The following ADAM8 variants were observed in gnomAD, a reference collection of about 807,000 sequenced individuals.
ADAM8 encodes disintegrin and metalloproteinase domain-containing protein 8.
In ADAM8, 104 loss-of-function variants were observed where a neutral mutation model predicts 102.4. That is an observed-to-expected ratio of 1.02 (90% CI 0.87 to 1.20). The LOEUF (loss-of-function observed/expected upper bound fraction) is 1.20. Among genes scored for constraint, ADAM8 ranks in the 50% most tolerant of loss-of-function variants. The pLI is 0.00. For synonymous variants in ADAM8, 517 were observed against 485.2 expected (o/e 1.07, Z -0.86); for missense variants, 1,132 against 1,159.0 (o/e 0.98, Z 0.34).
In ADAM8 at chr10:133,271,672, G is replaced by GCTGCA; in HGVS notation, c.1135_1139dup (p.Gln381AlafsTer81). ...CCAAAAAGCTCTCCAGGTAGGCCTG[G>GCTGCA]CTGCAGTCACTGAACATCCTGGGGA... On this transcript the variant is annotated frameshift_variant, in exon 12 of 23. Coordinates refer to ENST00000445355, the MANE Select transcript of ADAM8 (RefSeq NM_001109.5). LOFTEE classifies it high-confidence loss of function. 1 of 1,568,944 alleles carries GCTGCA rather than the reference G, an allele frequency of 6.4e-7. No homozygotes were observed. Among genetic ancestry groups the GCTGCA allele is most frequent in the Non-Finnish European group, 8.6e-7 (1 of 1,157,020 alleles).
intron 1 of ADAM8, chr10:133,275,901 A>G: frequency 3.2e-6 from 1 of 309,276 alleles, no homozygotes; most frequent in Non-Finnish European, 5.9e-6. Flanking sequence ...CCCGAGGGCA[A>G]GGATGAACCT....
chr10:133,262,981 A>C lies in ADAM8; in HGVS notation c.*175T>G. 1 of 783,456 alleles carries C rather than the reference A, an allele frequency of 1.3e-6. No homozygotes were observed. Among genetic ancestry groups the C allele is most frequent in the Non-Finnish European group, 2.2e-6 (1 of 454,972 alleles). 48.5% of individuals were successfully genotyped at this position (783,456 alleles called of 1,614,324 possible). On this transcript the variant is annotated 3_prime_UTR_variant, in exon 23 of 23. Coordinates refer to ENST00000445355, the MANE Select transcript of ADAM8 (RefSeq NM_001109.5). ...CAAGGCGGGGAGAAGGAATTGGCTG[A>C]GGGCGTGGACAGCAGGAGCCTCTCA...
Position 133,263,253 on chromosome 10 carries a change from ATT to A in ADAM8, c.2398-22_2398-21del. On this transcript the variant is annotated intron_variant, in intron 22 of 22. Transcript: ENST00000445355. ...AGCACCCTGGGAGGAGGAAAAGATA[ATT>A]GATGTTGAAAAACTACCTGCTATAA... The A allele has an allele frequency of 1.3e-6, 2 of 1,583,838 alleles. No individual in the cohort carries two copies. Among genetic ancestry groups the A allele is most frequent in the East Asian group, 4.5e-5 (2 of 44,268 alleles).
intron 20 of ADAM8, 81 bp from the exon 21 acceptor site, chr10:133,267,498 G>A: frequency 7.2e-7 from 1 of 1,394,068 alleles, no homozygotes; most frequent in African/African-American, 1.4e-5. Context: ...AGGATCCGAG[G>A]TTCCTGCCTC....
chr10:133,269,534 G>A lies in ADAM8; in HGVS notation c.1864-5C>T, dbSNP rs375344170. ...CTCCTGCTTGTGGTTGCACACCTGC[G>A]GGGACGGCTGGGCTCAGGGCCAACC... On this transcript the variant is annotated splice_region_variant and splice_polypyrimidine_tract_variant and intron_variant, in intron 17 of 22. Coordinates refer to ENST00000445355, the MANE Select transcript of ADAM8 (RefSeq NM_001109.5). 34 of 1,589,890 alleles carry A rather than the reference G, an allele frequency of 2.1e-5. No homozygotes were observed. The highest frequency in any genetic ancestry group is 2.7e-5 in the Non-Finnish European group (32 of 1,174,254).
At chr10:133,275,130 C>A in intron 2 of ADAM8, 1 of 214,790 alleles carries the variant, frequency 4.7e-6, no homozygotes. Context: ...CCCCGCCAGG[C>A]CCCCCCCCCA....
In ADAM8 at chr10:133,270,291, T is replaced by C. The variant is rs545189790; in HGVS notation, c.1785+69A>G. 33 of 1,530,926 alleles carry C rather than the reference T, an allele frequency of 2.2e-5. No homozygotes were observed. In the African/African-American group the frequency reaches 4.4e-4, roughly 20 times the overall value. The allele number at this position is 1,530,926 out of a possible 1,614,324, so 94.8% of individuals were successfully genotyped here. The stretch of plus-strand genomic sequence containing the variant: ...AGCAGCTGCCAAGCTCAGAAACGCA[T>C]CTGCACCCACGTGGGGCACATGCCC... On this transcript the variant is annotated intron_variant, in intron 16 of 22. Transcript: ENST00000445355.
Position 133,270,378 on chromosome 10 carries a change from G to A in ADAM8, c.1767C>T (p.Thr589=). 2 of 1,588,542 alleles carry A rather than the reference G, an allele frequency of 1.3e-6. No homozygotes were observed. The highest frequency in any genetic ancestry group is 1.7e-6 in the Non-Finnish European group (2 of 1,160,636). The change falls in exon 16 of 23, where the codon ACC becomes ACT. Residue 589 remains threonine, a synonymous_variant. Transcript: ENST00000445355. The part of the protein sequence containing the change: ...GTAYEPVPEG[T]RCGPEKVCWK... ...GGCTCACCTTCTCTGGTCCACACCG[G>A]GTGCCCTCGGGCACTGGTTCATACG...
At chr10:133,263,570 A>C in intron 22 of ADAM8, 118 bp downstream of exon 22, 1 of 377,686 alleles carries the variant, frequency 2.6e-6, no homozygotes, top group African/African-American at 5.0e-5. Flanking sequence ...ACCCAAGTTT[A>C]TCCACAGATA....
At chr10:133,272,740 A>ACCC (rs3841003) in intron 8 of ADAM8, 58 bp downstream of exon 8, 34 of 1,294,486 alleles carry the variant, frequency 2.6e-5, no homozygotes, top group Non-Finnish European at 3.4e-5. Flanking sequence ...CTGTGGCAAC[A>ACCC]CCCCCCCCAC....
Position 133,275,478 on chromosome 10 carries a change from A to T in ADAM8, c.150+6T>A, listed in dbSNP as rs1282124361. On this transcript the variant is annotated splice_donor_region_variant and intron_variant, in intron 2 of 22. Coordinates refer to ENST00000445355, the MANE Select transcript of ADAM8 (RefSeq NM_001109.5). ...AGGGACCCTCCCCAGGCCAGCTTAG[A>T]CTCACCAAGTGGGAGGGCAGAGCTC... The T allele has an allele frequency of 6.5e-7, 1 of 1,532,048 alleles. No individual in the cohort carries two copies. Among genetic ancestry groups the T allele is most frequent in the Admixed American group, 2.1e-5 (1 of 47,234 alleles). The allele number at this position is 1,532,048 out of a possible 1,614,324, so 94.9% of individuals were successfully genotyped here.
chr10:133,276,355 C>T (rs1189678331), intron 1 of ADAM8, among the ~76,000 whole-genome samples: 3 of 152,138 alleles, frequency 2.0e-5, no homozygotes, highest in Non-Finnish European at 4.4e-5. Context: ...GAGACGGGTC[C>T]CCTCAGCCCA....
intron 21 of ADAM8, among the ~76,000 whole-genome samples, chr10:133,266,126 C>T (rs911986928): frequency 3.3e-5 from 5 of 152,176 alleles, no homozygotes; most frequent in South Asian, 4.2e-4. Flanking sequence ...CAAGGAAAGA[C>T]GGGACAAACC....
intron 12 of ADAM8, 52 bp from the exon 13 acceptor site, chr10:133,271,341 C>T: frequency 6.4e-7 from 1 of 1,570,914 alleles, no homozygotes; most frequent in Non-Finnish European, 8.6e-7. Context: ...GGGCTGGGCT[C>T]CAGGGCGGAC....
In ADAM8 at chr10:133,273,948, T is replaced by C. The variant is rs372440713; in HGVS notation, c.306+3A>G. 55 of 1,596,408 alleles carry C rather than the reference T, an allele frequency of 3.4e-5. No homozygotes were observed. In the African/African-American group the frequency reaches 5.6e-4, roughly 16 times the overall value. The stretch of plus-strand genomic sequence containing the variant: ...CCGCCCAGCTGCTCCGCCCGACCCA[T>C]ACCTGCCCGCGAGGCTGCTCCGTCA... On this transcript the variant is annotated splice_donor_region_variant and intron_variant, in intron 4 of 22. Coordinates refer to ENST00000445355, the MANE Select transcript of ADAM8 (RefSeq NM_001109.5).
intron 1 of ADAM8, among the ~76,000 whole-genome samples, chr10:133,276,464 G>A (rs1284638748): frequency 6.6e-6 from 1 of 152,226 alleles, no homozygotes; most frequent in Non-Finnish European, 1.5e-5. Flanking sequence ...AGGAACCCAG[G>A]GCGCCTCGCG....
At chr10:133,273,687 C>A in intron 5 of ADAM8, 75 bp downstream of exon 5, 2 of 1,487,774 alleles carry the variant, frequency 1.3e-6, no homozygotes, top group South Asian at 2.5e-5. Flanking sequence ...CCCTGCCTCC[C>A]TTCCCCACCC....
In ADAM8 at chr10:133,271,858, G is replaced by A. The variant is rs1393996935; in HGVS notation, c.1054C>T (p.Arg352Cys). Residue 352 changes from arginine (R) to cysteine (C), a missense_variant, in exon 11 of 23, where the codon CGC becomes TGC. Arg to Cys is a radical substitution (Grantham distance 180, BLOSUM62 -3). Transcript: ENST00000445355. ...MDHDENVQGC[R>C]CQERFEAGRC... ...CCGGCCTCGAAGCGTTCCTGGCAGC[G>A]GCAGCCCTGGACGTTCTCATCATGG... is the stretch of plus-strand genomic sequence containing the variant. 2.4e-5 allele frequency: 38 copies of A among 1,612,512 alleles called. No homozygotes were observed. The highest frequency in any genetic ancestry group is 5.0e-5 in the Admixed American group (3 of 59,994).
Position 133,262,864 on chromosome 10 carries a change from C to A in ADAM8, c.*292G>T, listed in dbSNP as rs1056009423. 2 of 475,806 alleles carry A rather than the reference C, an allele frequency of 4.2e-6. No homozygotes were observed. Among genetic ancestry groups the A allele is most frequent in the Non-Finnish European group, 7.6e-6 (2 of 262,138 alleles). The allele number at this position is 475,806 out of a possible 1,614,324, so 29.5% of individuals were successfully genotyped here. A position where few individuals can be genotyped will look rare whatever the true frequency, so the allele number is the denominator to read the frequency against. ...CCTCCTGAACACAGCGGGAGACCAG[C>A]GGCCACCTGGAGACACGTACACACA... On this transcript the variant is annotated 3_prime_UTR_variant, in exon 23 of 23. Transcript: ENST00000445355.
Sources: gnomAD v4.1 joint callset for allele counts (sites outside exome capture counted in the v4.1 genomes callset) on GRCh38, gnomAD v4.1.1 for gene constraint, MANE v1.5 for transcripts, NCBI Gene and HGNC (gene_info 2026-07-23, HGNC 2026-07-21) for gene names.